The following RAPGEF2 variants were observed in gnomAD, a reference collection of about 807,000 sequenced individuals.
RAPGEF2 encodes PDZ domain containing guanine nucleotide exchange factor (GEF) 1.
Under a neutral mutation model 186.7 loss-of-function variants are expected in RAPGEF2, and 54 were observed. The observed-to-expected ratio is 0.29, with a 90% CI of 0.23 to 0.36. RAPGEF2 has a LOEUF of 0.36. Among genes scored for constraint, RAPGEF2 ranks in the 10% least tolerant of loss-of-function variants. The pLI is 1.00. For synonymous variants in RAPGEF2, 712 were observed against 705.9 expected (o/e 1.01, Z -0.14); for missense variants, 1,532 against 2,045.0 (o/e 0.75, Z 4.84).
At chr4:159,272,784 TTAGAGAGAAG>T (rs1262640521) in intron 7 of RAPGEF2, among the ~76,000 whole-genome samples, 1 of 152,182 alleles carries the variant, frequency 6.6e-6, no homozygotes, top group Non-Finnish European at 1.5e-5. Flanking sequence ...GTAGACTGTG[TTAGAGAGAAG>T]TAGGTCAGTA....
chr4:159,173,040 T>C (rs2111253010), intron 1 of RAPGEF2, among the ~76,000 whole-genome samples: 1 of 152,306 alleles, frequency 6.6e-6, no homozygotes, highest in Non-Finnish European at 1.5e-5. Context: ...TGACCAATAG[T>C]GGAAGGCTTT....
chr4:159,206,956 T>C (rs1750053001), intron 3 of RAPGEF2, among the ~76,000 whole-genome samples: 1 of 152,230 alleles, frequency 6.6e-6, no homozygotes, highest in Admixed American at 6.5e-5. Context: ...TATGTATTCT[T>C]ACTTTTAATT....
At chr4:159,231,934 T>G (rs1054725070) in intron 4 of RAPGEF2, among the ~76,000 whole-genome samples, 1 of 152,212 alleles carries the variant, frequency 6.6e-6, no homozygotes, top group Non-Finnish European at 1.5e-5. Context: ...TGTTAAGTTA[T>G]CATATAAAAG....
At chr4:159,114,010 G>A (rs1250848898) in intron 1 of RAPGEF2, among the ~76,000 whole-genome samples, 1 of 151,942 alleles carries the variant, frequency 6.6e-6, no homozygotes, top group Non-Finnish European at 1.5e-5. Context: ...AGGCTGGAGT[G>A]CAGTGACATG....
In RAPGEF2 at chr4:159,337,062, A is replaced by G. The variant is rs115218065; in HGVS notation, c.2136-1249A>G. On this transcript the variant is annotated intron_variant, in intron 17 of 29. Coordinates refer to ENST00000691494, the MANE Select transcript of RAPGEF2 (RefSeq NM_001394067.2). ...AATAGTTTTTACATATTATTAAATC[A>G]TGTTTCAAGAGTTCACAGTAACAGG... Among the ~76,000 whole-genome samples, 434 of 152,338 alleles carry G rather than the reference A, an allele frequency of 2.8e-3. 3 individuals are homozygous for G. The highest frequency in any genetic ancestry group is 9.5e-3 in the African/African-American group (393 of 41,584).
intron 4 of RAPGEF2, among the ~76,000 whole-genome samples, chr4:159,217,016 T>C (rs539471222): frequency 6.6e-6 from 1 of 152,166 alleles, no homozygotes; most frequent in South Asian, 2.1e-4. Context: ...TACTTTCTGC[T>C]TGCCGGTGCT....
chr4:159,138,910 G>C (rs879567594), intron 1 of RAPGEF2, among the ~76,000 whole-genome samples: 11 of 152,140 alleles, frequency 7.2e-5, no homozygotes, highest in Non-Finnish European at 1.3e-4. Flanking sequence ...CCACGTGAAG[G>C]AAATTTCTGG....
chr4:159,300,682 G>A (rs1762544924), intron 7 of RAPGEF2, among the ~76,000 whole-genome samples: 1 of 152,126 alleles, frequency 6.6e-6, no homozygotes. Flanking sequence ...ACAGTCGCAA[G>A]ATAATTCACA....
rs140916456 is a variant in RAPGEF2 at position 159,292,788 on chromosome 4, G to A, written c.544-11554G>A. On this transcript the variant is annotated intron_variant, in intron 7 of 29. Coordinates refer to ENST00000691494, the MANE Select transcript of RAPGEF2 (RefSeq NM_001394067.2). ...CACTTTTAAAAACAAGTAATTTTCC[G>A]GAAACCTTATAGTTTCATCATAGAA... Among the ~76,000 whole-genome samples the A allele has an allele frequency of 5.3e-5, 8 of 151,980 alleles. No individual in the cohort carries two copies. The East Asian group carries it at 7.7e-4, about 15-fold the overall frequency.
intron 13 of RAPGEF2, 138 bp downstream of exon 13, chr4:159,330,636 CA>C (rs777069865): frequency 3.5e-6 from 2 of 571,022 alleles, no homozygotes; most frequent in East Asian, 3.5e-5. Context: ...CAAAAAAAAA[CA>C]AAAAAACAAA....
intron 1 of RAPGEF2, among the ~76,000 whole-genome samples, chr4:159,155,842 A>G (rs561304606): frequency 6.6e-6 from 1 of 151,918 alleles, no homozygotes; most frequent in East Asian, 1.9e-4. Flanking sequence ...TACTATTTTA[A>G]TTACATCTCA....
chr4:159,267,133 T>G (rs1304040263), intron 7 of RAPGEF2: 1 of 1,258,840 alleles, frequency 7.9e-7, no homozygotes, highest in Non-Finnish European at 1.0e-6. Context: ...AGAACTGCAT[T>G]GAGTGTGAGC....
rs557499927 is a variant in RAPGEF2, at chr4:159,267,247, A to G, written c.543+23456A>G. 41 of 1,289,356 alleles carry G rather than the reference A, an allele frequency of 3.2e-5. No individual in the cohort carries two copies. The African/African-American group carries it at 5.9e-4, about 19-fold the overall frequency. The allele number at this position is 1,289,356 out of a possible 1,614,324, so 79.9% of individuals were successfully genotyped here. ...TTTTATTTAGAAAAGGAAGCTTTCT[A>G]TCCAGGAAATGGCTTTCCTTGTGCG... On this transcript the variant is annotated intron_variant, in intron 7 of 29. Transcript: ENST00000691494.
chr4:159,141,227 A>C (rs1579291074), intron 1 of RAPGEF2, among the ~76,000 whole-genome samples: 1 of 152,248 alleles, frequency 6.6e-6, no homozygotes, highest in East Asian at 1.9e-4. Context: ...ACTTGAATAA[A>C]AATTTTTATA....
chr4:159,340,556 AT>A (rs891962057), intron 19 of RAPGEF2, among the ~76,000 whole-genome samples: 1 of 152,138 alleles, frequency 6.6e-6, no homozygotes, highest in Non-Finnish European at 1.5e-5. Flanking sequence ...CACAAAAAAA[AT>A]TTTAGTAGGG....
intron 3 of RAPGEF2, among the ~76,000 whole-genome samples, chr4:159,198,117 A>G (rs1748870889): frequency 6.6e-6 from 1 of 152,154 alleles, no homozygotes; most frequent in Non-Finnish European, 1.5e-5. Context: ...ACTTTACATC[A>G]CAGTAAATTG....
At chr4:159,309,813 T>G (rs1763745319) in intron 8 of RAPGEF2, among the ~76,000 whole-genome samples, 1 of 152,130 alleles carries the variant, frequency 6.6e-6, no homozygotes, top group African/African-American at 2.4e-5. Flanking sequence ...TCAAGCAAAA[T>G]TGAACTCATG....
At chr4:159,250,256 A>G (rs1231345210) in intron 7 of RAPGEF2, among the ~76,000 whole-genome samples, 2 of 152,292 alleles carry the variant, frequency 1.3e-5, no homozygotes, top group East Asian at 1.9e-4. Flanking sequence ...GGATCTCACA[A>G]ATCACCACTA....
chr4:159,291,186 A>G (rs6823179), intron 7 of RAPGEF2, among the ~76,000 whole-genome samples: 42,547 of 152,150 alleles, frequency 0.28, 7,500 homozygotes, highest in African/African-American at 0.49. Flanking sequence ...GTTGCATAAA[A>G]TCTAGAAGCA....
Sources: gnomAD v4.1 joint callset for allele counts (sites outside exome capture counted in the v4.1 genomes callset) on GRCh38, gnomAD v4.1.1 for gene constraint, MANE v1.5 for transcripts, NCBI Gene and HGNC (gene_info 2026-07-23, HGNC 2026-07-21) for gene names.